ADA2: variants seen among roughly 807,000 people sequenced by gnomAD.
The protein encoded by ADA2 is adenosine deaminase 2.
ADA2 carries 29 observed loss-of-function variants against 44.2 expected under a neutral mutation model. The ratio of observed to expected loss-of-function variants is 0.66; its 90% CI spans 0.49 to 0.89. The LOEUF (loss-of-function observed/expected upper bound fraction) is 0.89. Ranked by LOEUF, ADA2 falls within the 40% of genes least tolerant of loss-of-function variation. The pLI, the probability that ADA2 is intolerant of heterozygous loss-of-function variation, is 0.00. For missense variants in ADA2, 637 were observed against 644.8 expected (o/e 0.99, Z 0.13); for synonymous variants, 215 against 234.9 (o/e 0.92, Z 0.77).
At chr22:17,187,626 G>A (rs2062050632) in intron 7 of ADA2, among the ~76,000 whole-genome samples, 1 of 149,136 alleles carries the variant, frequency 6.7e-6, no homozygotes, top group Admixed American at 6.7e-5. Context: ...AAAGTAGGAT[G>A]ATGTGAGTTT....
chr22:17,185,941 T>C lies in ADA2; in HGVS notation c.1081+2398A>G, dbSNP rs544849099. Among the ~76,000 whole-genome samples, 7 of 152,286 alleles carry C rather than the reference T, an allele frequency of 4.6e-5. No individual in the cohort carries two copies. In the South Asian group the frequency reaches 1.0e-3, roughly 23 times the overall value. ...CCCAAATCTTCCTTTGGATCTGAAA[T>C]TGCAGCCGTGATCTTTCTTAGTTAG... On this transcript the variant is annotated intron_variant, in intron 7 of 9. Transcript: ENST00000399837.
At chr22:17,217,580 G>A (rs1009868454) in intron 1 of ADA2, among the ~76,000 whole-genome samples, 2 of 152,144 alleles carry the variant, frequency 1.3e-5, no homozygotes, top group African/African-American at 4.8e-5. Context: ...AGCACTTTGG[G>A]AGGCTGAGGT....
chr22:17,190,505 G>C (rs2062102020), intron 5 of ADA2, among the ~76,000 whole-genome samples: 1 of 152,206 alleles, frequency 6.6e-6, no homozygotes, highest in African/African-American at 2.4e-5. Context: ...TGCTGATTAA[G>C]TCAGCAAGAT....
At chr22:17,204,794 C>CTTTT (rs535426763) in intron 3 of ADA2, among the ~76,000 whole-genome samples, 1 of 132,942 alleles carries the variant, frequency 7.5e-6, no homozygotes, top group Non-Finnish European at 1.6e-5. Context: ...TCAATTCCTT[C>CTTTT]TTTTTTTTTT....
chr22:17,209,322 C>G lies in ADA2; in HGVS notation c.322+34G>C. ...CCCCAAGATGAGTCCCTCTACCTTCCCAGCACCCCAAGCCACCCCTTTCCA... is the reference window on the plus strand; with the variant it reads ...CCCCAAGATGAGTCCCTCTACCTTCGCAGCACCCCAAGCCACCCCTTTCCA... On this transcript the variant is annotated intron_variant, in intron 2 of 9. Coordinates refer to ENST00000399837, the MANE Select transcript of ADA2 (RefSeq NM_001282225.2). 2.5e-6 allele frequency: 4 copies of G among 1,577,272 alleles called. No homozygotes were observed. In the South Asian group the frequency reaches 4.6e-5, roughly 18 times the overall value.
rs1366834253 is a variant in ADA2 at position 17,179,162 on chromosome 22, G to A, written c.*2321C>T. 1 of 152,378 alleles carries A rather than the reference G, an allele frequency of 6.6e-6. No homozygotes were observed. Among genetic ancestry groups the A allele is most frequent in the Non-Finnish European group, 1.5e-5 (1 of 68,160 alleles). 9.4% of individuals were successfully genotyped at this position (152,378 alleles called of 1,614,324 possible). A position where few individuals can be genotyped will look rare whatever the true frequency, so the allele number is the denominator to read the frequency against. ...CCCTGCCATCCTTGAGTTGGGTGAG[G>A]ACAGAGGTGGCTTCTTGCATCCTTC... is the stretch of plus-strand genomic sequence containing the variant. On this transcript the variant is annotated 3_prime_UTR_variant, in exon 10 of 10. Transcript: ENST00000399837.
chr22:17,189,293 G>C (rs547122961), intron 6 of ADA2, among the ~76,000 whole-genome samples: 1 of 152,106 alleles, frequency 6.6e-6, no homozygotes, highest in Non-Finnish European at 1.5e-5. Flanking sequence ...CTGAGGGCAT[G>C]AGCCACTGCA....
chr22:17,188,673 A>T (rs979958198), intron 6 of ADA2: 2 of 342,990 alleles, frequency 5.8e-6, no homozygotes, highest in Non-Finnish European at 1.1e-5. Flanking sequence ...AAGTCAGGAG[A>T]TCGAGACCAT....
rs112888648 is a variant in ADA2 at position 17,188,072 on chromosome 22, C to T, written c.1081+267G>A. On this transcript the variant is annotated intron_variant, in intron 7 of 9. Coordinates refer to ENST00000399837, the MANE Select transcript of ADA2 (RefSeq NM_001282225.2). ...TGAGCTGGGCGACAGAGGGAGACTC[C>T]GTAAAAAAAAGAAAAAAAAAGAAGA... is the stretch of plus-strand genomic sequence containing the variant. 1.7e-3 allele frequency among the ~76,000 whole-genome samples: 230 copies of T among 133,538 alleles called. 1 individual carries two copies. The highest frequency in any genetic ancestry group is 5.7e-3 in the African/African-American group (205 of 35,864). 87.6% of individuals were successfully genotyped at this position (133,538 alleles called of 152,430 possible).
chr22:17,195,595 G>A (rs1009079199), intron 4 of ADA2, among the ~76,000 whole-genome samples: 10 of 151,904 alleles, frequency 6.6e-5, no homozygotes, highest in Non-Finnish European at 1.3e-4. Flanking sequence ...TTGCCGTGTC[G>A]TCCAGGCTGG....
chr22:17,199,295 G>A (rs772725429), intron 4 of ADA2, among the ~76,000 whole-genome samples: 7 of 152,292 alleles, frequency 4.6e-5, no homozygotes, highest in Non-Finnish European at 1.0e-4. Context: ...GAACAAGGGG[G>A]AAGATGGAAC....
chr22:17,212,028 C>A (rs2062424674), intron 1 of ADA2, among the ~76,000 whole-genome samples: 2 of 151,786 alleles, frequency 1.3e-5, no homozygotes, highest in Admixed American at 6.6e-5. Context: ...CTTTTCTTTT[C>A]TTTTCTTTTG....
intron 8 of ADA2, 38 bp downstream of exon 8, chr22:17,182,566 G>T (rs1408574742): frequency 1.9e-5 from 30 of 1,605,844 alleles, no homozygotes; most frequent in Non-Finnish European, 2.5e-5. Flanking sequence ...TGTGGTTAGG[G>T]GAGATCATAT....
Position 17,203,672 on chromosome 22 carries a change from G to C in ADA2, c.644C>G (p.Ser215Cys). The change falls in exon 4 of 10, where the codon TCT becomes TGT. Residue 215 changes from serine (S) to cysteine (C), a missense_variant. Transcript: ENST00000399837. Reference sequence around the variant, plus strand: ...CACTGGTGCGTAATGGATGAGACCAGAGATGGTGAAGAAGATGGTTTCAAA... The same window carrying C: ...CACTGGTGCGTAATGGATGAGACCACAGATGGTGAAGAAGATGGTTTCAAA... The part of the protein sequence containing the change: ...SKFETIFFTI[S>C]GLIHYAPVFR... 6.2e-7 allele frequency: 1 copy of C among 1,614,048 alleles called. No homozygotes were observed. Among genetic ancestry groups the C allele is most frequent in the African/African-American group, 1.3e-5 (1 of 75,068 alleles).
chr22:17,181,496 A>T lies in ADA2; in HGVS notation c.1523T>A (p.Val508Glu). The T allele has an allele frequency of 6.2e-7, 1 of 1,611,366 alleles. No homozygotes were observed. The highest frequency in any genetic ancestry group is 2.2e-5 in the East Asian group (1 of 44,878). The change falls in exon 10 of 10, where the codon GTG (valine) becomes GAG (glutamate). Residue 508 changes from valine (V) to glutamate (E), a missense_variant. Physicochemically the swap from Val to Glu is moderately radical, Grantham distance 121. Coordinates refer to ENST00000399837, the MANE Select transcript of ADA2 (RefSeq NM_001282225.2). ...GCTAGCTTCTCCTCACTTTGTAGCC[A>T]CATCTGCTATGAACTTATCCCATCT... ...KKRWDKFIAD[V>E]ATK
At chr22:17,189,767 G>A (rs2062091513) in intron 6 of ADA2, 175 bp downstream of exon 6, 1 of 578,120 alleles carries the variant, frequency 1.7e-6, no homozygotes, top group Non-Finnish European at 3.1e-6. Context: ...CTCTGAAGAG[G>A]GTCAGCGCTG....
At chr22:17,192,860 C>T in intron 4 of ADA2, 1 of 434,054 alleles carries the variant, frequency 2.3e-6, no homozygotes, top group East Asian at 5.6e-5. Context: ...CTCTCTCTTC[C>T]TCGGCGCTGC....
intron 4 of ADA2, 143 bp from the exon 5 acceptor site, chr22:17,191,953 G>T (rs2062122144): frequency 1.4e-6 from 1 of 712,752 alleles, no homozygotes; most frequent in Non-Finnish European, 2.1e-6. Flanking sequence ...AGCCACCCTT[G>T]CCCAGCCACC....
At chr22:17,218,447 C>A (rs987022959) in intron 1 of ADA2, among the ~76,000 whole-genome samples, 26 of 152,156 alleles carry the variant, frequency 1.7e-4, no homozygotes, top group African/African-American at 6.3e-4. Context: ...GTCCTTGACT[C>A]TCTTTTTTGA....
Sources: gnomAD v4.1 joint callset for allele counts (sites outside exome capture counted in the v4.1 genomes callset) on GRCh38, gnomAD v4.1.1 for gene constraint, MANE v1.5 for transcripts, NCBI Gene and HGNC (gene_info 2026-07-23, HGNC 2026-07-21) for gene names.